The following FRMPD4 variants were observed in gnomAD, a reference collection of about 807,000 sequenced individuals.
FRMPD4 encodes the protein FERM and PDZ domain-containing protein 4.
Under a neutral mutation model 94.1 loss-of-function variants are expected in FRMPD4, and 22 were observed. The ratio of observed to expected loss-of-function variants is 0.23; its 90% CI spans 0.17 to 0.33. FRMPD4 has a LOEUF of 0.33. Ranked by LOEUF, FRMPD4 falls within the 10% of genes least tolerant of loss-of-function variation. The pLI, the probability that FRMPD4 is intolerant of heterozygous loss-of-function variation, is 1.00. For missense variants in FRMPD4, 1,111 were observed against 1,339.9 expected (o/e 0.83, Z 2.67); for synonymous variants, 631 against 548.6 (o/e 1.15, Z -2.10).
chrX:12,625,644 G>A (rs2059338474), intron 4 of FRMPD4, among the ~76,000 whole-genome samples: 1 of 111,494 alleles, frequency 9.0e-6, no homozygotes, highest in African/African-American at 3.3e-5. Flanking sequence ...AAGGGTGCAG[G>A]GAAGGGAGGG....
chrX:12,299,272 G>A (rs1225346875), intron 1 of FRMPD4, among the ~76,000 whole-genome samples: 1 of 109,802 alleles, frequency 9.1e-6, no homozygotes, highest in Non-Finnish European at 1.9e-5. Flanking sequence ...AGAAGAGGAA[G>A]AGAAGTAGGA....
chrX:12,167,814 T>A lies in FRMPD4; in HGVS notation c.41+28802T>A, dbSNP rs920289768. Among the ~76,000 whole-genome samples the A allele has an allele frequency of 5.3e-5, 6 of 112,222 alleles. No homozygotes were observed. In the Admixed American group the frequency reaches 5.7e-4, roughly 11 times the overall value. ...CAATGATAACTTGATTTGATATATA[T>A]ATTAAGAAAACCCTTTAAAGTAAAC... On this transcript the variant is annotated intron_variant, in intron 1 of 16. Coordinates refer to ENST00000675598, the MANE Select transcript of FRMPD4 (RefSeq NM_001368397.1).
chrX:12,591,950 C>A (rs1434600349), intron 2 of FRMPD4, among the ~76,000 whole-genome samples: 1 of 111,533 alleles, frequency 9.0e-6, no homozygotes, highest in African/African-American at 3.3e-5. Context: ...CTGTGTCCTG[C>A]CTCTCTTTCT....
At chrX:12,372,309 C>T (rs2056173813) in intron 1 of FRMPD4, among the ~76,000 whole-genome samples, 1 of 113,351 alleles carries the variant, frequency 8.8e-6, no homozygotes, top group South Asian at 3.6e-4. Flanking sequence ...CCAACCTTGG[C>T]TGAACAAAAG....
At chrX:12,303,819 T>A (rs1049304915) in intron 1 of FRMPD4, among the ~76,000 whole-genome samples, 2 of 112,452 alleles carry the variant, frequency 1.8e-5, no homozygotes, top group Admixed American at 9.4e-5. Flanking sequence ...AATGCTGTGC[T>A]AACTATAGAG....
chrX:12,601,329 A>G (rs12690124), intron 2 of FRMPD4, among the ~76,000 whole-genome samples: 14,639 of 111,608 alleles, frequency 0.13, 1,006 homozygotes, highest in African/African-American at 0.26. Flanking sequence ...TGTGAGCTGA[A>G]AACACACGAT....
chrX:12,110,308 AAG>A (rs2055346197), intron 3 of FRMPD4, among the ~76,000 whole-genome samples: 1 of 112,538 alleles, frequency 8.9e-6, no homozygotes, highest in African/African-American at 3.2e-5. Flanking sequence ...AACAGAACCA[AAG>A]ACAAAAACCA....
At chrX:12,518,459 T>C (rs989983388) in intron 2 of FRMPD4, among the ~76,000 whole-genome samples, 6 of 112,032 alleles carry the variant, frequency 5.4e-5, no homozygotes, top group African/African-American at 2.0e-4. Flanking sequence ...AATACTAATA[T>C]ACTGAATTCA....
intron 6 of FRMPD4, among the ~76,000 whole-genome samples, chrX:12,684,938 C>T (rs1273100456): frequency 2.7e-5 from 3 of 111,411 alleles, no homozygotes; most frequent in Admixed American, 9.5e-5. Flanking sequence ...CAGGGATGTT[C>T]GGTCACGTGG....
intron 4 of FRMPD4, among the ~76,000 whole-genome samples, chrX:12,631,139 T>C (rs185099740): frequency 3.2e-4 from 36 of 111,666 alleles, no homozygotes; most frequent in Non-Finnish European, 6.0e-4. Context: ...TATAGATGGA[T>C]CTACCTGCCC....
chrX:12,313,154 C>T (rs2055061941), intron 1 of FRMPD4, among the ~76,000 whole-genome samples: 1 of 112,058 alleles, frequency 8.9e-6, no homozygotes. Flanking sequence ...TCCTGGGAGC[C>T]ACGGAGGGAC....
chrX:12,339,093 A>G (rs774929842), intron 1 of FRMPD4, among the ~76,000 whole-genome samples: 6 of 112,175 alleles, frequency 5.3e-5, no homozygotes, highest in African/African-American at 1.3e-4. Context: ...AAGGGCTGCA[A>G]TCCAGGCCGA....
At chrX:12,217,012 G>A (rs1021545320) in intron 1 of FRMPD4, among the ~76,000 whole-genome samples, 3 of 111,988 alleles carry the variant, frequency 2.7e-5, no homozygotes, top group African/African-American at 9.7e-5. Flanking sequence ...CTATGTGAAG[G>A]GGACACAGGT....
At chrX:12,388,335 G>A (rs1021669410) in intron 1 of FRMPD4, among the ~76,000 whole-genome samples, 12 of 111,984 alleles carry the variant, frequency 1.1e-4, no homozygotes, top group East Asian at 2.8e-4. Flanking sequence ...GGCTGGGTGC[G>A]GTGGCTCACG....
intron 14 of FRMPD4, among the ~76,000 whole-genome samples, chrX:12,713,980 G>A: frequency 9.0e-6 from 1 of 111,674 alleles, no homozygotes; most frequent in Non-Finnish European, 1.9e-5. Context: ...TGCATCTCTG[G>A]GCTTTAGGAG....
rs749182483 is a variant in FRMPD4, at chrX:11,954,476, G to A, written c.95+76458G>A. Among the ~76,000 whole-genome samples, 50 of 111,963 alleles carry A rather than the reference G, an allele frequency of 4.5e-4. 1 individual carries two copies. In the South Asian group the frequency reaches 0.018, roughly 40 times the overall value. On this transcript the variant is annotated intron_variant, in intron 3 of 18. Transcript: ENST00000640291. ...CTAAGAGGGTGTTCACAGGTTGTCC[G>A]GTTAGCACCACTTAAAAATAATCAT...
chrX:12,295,190 C>T (rs978647975), intron 1 of FRMPD4, among the ~76,000 whole-genome samples: 4 of 112,380 alleles, frequency 3.6e-5, no homozygotes, highest in Admixed American at 9.4e-5. Flanking sequence ...GTTAGCTTGA[C>T]CTGCTCACTG....
At chrX:12,433,889 C>CA (rs1187891916) in intron 1 of FRMPD4, among the ~76,000 whole-genome samples, 1 of 111,615 alleles carries the variant, frequency 9.0e-6, no homozygotes, top group African/African-American at 3.3e-5. Context: ...GCTGGGTTTT[C>CA]AATATGAGTA....
chrX:12,664,413 G>A (rs774739593), intron 4 of FRMPD4, among the ~76,000 whole-genome samples: 4 of 112,142 alleles, frequency 3.6e-5, no homozygotes, highest in African/African-American at 1.3e-4. Context: ...TTAGCATGAA[G>A]AGGTGTTGAG....
Sources: allele counts gnomAD v4.1 joint callset (sites outside exome capture counted in the v4.1 genomes callset), GRCh38; gene constraint gnomAD v4.1.1; transcripts MANE v1.5; gene names NCBI Gene and HGNC (gene_info 2026-07-23, HGNC 2026-07-21).